The following CACHD1 variants were observed in gnomAD, a reference collection of about 807,000 sequenced individuals.
CACHD1 encodes the protein cache domain containing 1, also known as VWFA and cache domain-containing protein 1.
In CACHD1, 71 loss-of-function variants were observed where a neutral mutation model predicts 138.7. The observed-to-expected ratio is 0.51, with a 90% CI of 0.42 to 0.62. The LOEUF is 0.62. Among genes scored for constraint, CACHD1 ranks in the 20% least tolerant of loss-of-function variants. The probability of loss-of-function intolerance (pLI) is 0.00; values close to 1 mark genes in which losing one functional copy is unlikely to be tolerated. For missense variants in CACHD1, 1,389 were observed against 1,625.3 expected, an observed-to-expected ratio of 0.85 and a Z score of 2.50; for synonymous variants, 578 against 591.5, an observed-to-expected ratio of 0.98 and a Z score of 0.33.
chr1:64,560,944 A>T (rs964366430), intron 2 of CACHD1, among the ~76,000 whole-genome samples: 5 of 152,014 alleles, frequency 3.3e-5, no homozygotes, highest in African/African-American at 1.2e-4. Context: ...CAGTAATATT[A>T]TTCTCTCCTT....
intron 1 of CACHD1, among the ~76,000 whole-genome samples, chr1:64,487,714 G>T (rs17394814): frequency 1.3e-5 from 2 of 152,076 alleles, no homozygotes; most frequent in Non-Finnish European, 2.9e-5. Flanking sequence ...GGAAATGCAT[G>T]GTGGTGTTAC....
chr1:64,673,111 A>AG lies in CACHD1; in HGVS notation c.2511-47_2511-46insG, dbSNP rs746015444. ...TGCTCTCTGAATACGTTTGAAAAAAAAAAAAACAGCTGATATGAATGAGGG... is the reference window on the plus strand; with the variant it reads ...TGCTCTCTGAATACGTTTGAAAAAAAGAAAAAACAGCTGATATGAATGAGGG... On this transcript the variant is annotated intron_variant, in intron 17 of 26. Coordinates refer to ENST00000651257, the MANE Select transcript of CACHD1 (RefSeq NM_020925.4). The AG allele has an allele frequency of 1.2e-5, 18 of 1,516,804 alleles. 1 individual carries two copies. In the African/African-American group the frequency reaches 1.9e-4, roughly 16 times the overall value. 94.0% of individuals were successfully genotyped at this position (1,516,804 alleles called of 1,614,324 possible). A position where few individuals can be genotyped will look rare whatever the true frequency, so the allele number is the denominator to read the frequency against.
intron 3 of CACHD1, among the ~76,000 whole-genome samples, chr1:64,583,567 T>C (rs1476715011): frequency 6.6e-6 from 1 of 152,232 alleles, no homozygotes; most frequent in Non-Finnish European, 1.5e-5. Context: ...ATTGCATATT[T>C]GTATACCTTC....
intron 1 of CACHD1, among the ~76,000 whole-genome samples, chr1:64,477,620 TATTATTTTATTTTA>T (rs1557455041): frequency 1.5e-5 from 2 of 135,762 alleles, no homozygotes; most frequent in Non-Finnish European, 3.1e-5. Context: ...TTATTATTAT[TATTATTTTATTTTA>T]TTTTTTTTTT....
chr1:64,653,447 G>A (rs1346839228), intron 10 of CACHD1, among the ~76,000 whole-genome samples: 1 of 144,498 alleles, frequency 6.9e-6, no homozygotes, highest in Non-Finnish European at 1.5e-5. Flanking sequence ...TTATTAAATT[G>A]TTATCTTAGA....
intron 2 of CACHD1, among the ~76,000 whole-genome samples, chr1:64,565,858 TG>T (rs2100496047): frequency 6.6e-6 from 1 of 152,364 alleles, no homozygotes; most frequent in Non-Finnish European, 1.5e-5. Flanking sequence ...GAAATGAATG[TG>T]GCAGTGACCA....
chr1:64,685,614 A>C (rs1343265858), intron 26 of CACHD1, among the ~76,000 whole-genome samples: 3 of 151,956 alleles, frequency 2.0e-5, no homozygotes, highest in Non-Finnish European at 4.4e-5. Flanking sequence ...GTTTCCTAAC[A>C]CTTAAGGTAG....
chr1:64,633,194 A>G (rs893432497), intron 6 of CACHD1, among the ~76,000 whole-genome samples: 6 of 152,214 alleles, frequency 3.9e-5, no homozygotes, highest in African/African-American at 1.4e-4. Context: ...CTGCCTGCCT[A>G]TCGCTTTCTC....
intron 26 of CACHD1, among the ~76,000 whole-genome samples, chr1:64,684,184 A>T (rs985827995): frequency 6.6e-6 from 1 of 152,154 alleles, no homozygotes; most frequent in Non-Finnish European, 1.5e-5. Context: ...TTTGAGACGG[A>T]GTCTCGCTCT....
intron 2 of CACHD1, among the ~76,000 whole-genome samples, chr1:64,580,473 G>C (rs1449362325): frequency 6.6e-6 from 1 of 152,012 alleles, no homozygotes; most frequent in Non-Finnish European, 1.5e-5. Flanking sequence ...AAAATAAATT[G>C]GTCAGAATCA....
At chr1:64,683,221 A>G (rs1570482067) in intron 26 of CACHD1, among the ~76,000 whole-genome samples, 2 of 152,358 alleles carry the variant, frequency 1.3e-5, no homozygotes, top group Middle Eastern at 6.8e-3. Flanking sequence ...GAATGACATT[A>G]TTCCCACCAA....
At chr1:64,481,932 A>T (rs1646213760) in intron 1 of CACHD1, among the ~76,000 whole-genome samples, 1 of 152,130 alleles carries the variant, frequency 6.6e-6, no homozygotes, top group African/African-American at 2.4e-5. Context: ...TAAGGTAAGG[A>T]TTCTATATAG....
At chr1:64,633,443 G>A (rs1050494993) in intron 6 of CACHD1, among the ~76,000 whole-genome samples, 9 of 152,082 alleles carry the variant, frequency 5.9e-5, no homozygotes, top group African/African-American at 1.7e-4. Context: ...TGGAGGTTAC[G>A]CTGAGGAGGA....
intron 3 of CACHD1, among the ~76,000 whole-genome samples, chr1:64,596,708 A>AT (rs1021969901): frequency 3.3e-5 from 5 of 151,994 alleles, no homozygotes; most frequent in African/African-American, 7.2e-5. Context: ...AGAAGAAATG[A>AT]TTTTTTTTAA....
At chr1:64,543,479 G>A (rs2100434786) in intron 1 of CACHD1, among the ~76,000 whole-genome samples, 1 of 150,544 alleles carries the variant, frequency 6.6e-6, no homozygotes, top group East Asian at 1.9e-4. Context: ...GGGAGGCTGA[G>A]GCGAGAGGAT....
chr1:64,679,548 A>G (rs1452700478), intron 23 of CACHD1, 47 bp from the exon 24 acceptor site: 3 of 1,604,648 alleles, frequency 1.9e-6, no homozygotes, highest in South Asian at 1.1e-5. Flanking sequence ...TTTCTTCCCC[A>G]CTTGGGAAAT....
At chr1:64,645,272 G>A (rs934832256) in intron 8 of CACHD1, among the ~76,000 whole-genome samples, 4 of 151,818 alleles carry the variant, frequency 2.6e-5, no homozygotes, top group Non-Finnish European at 2.9e-5. Context: ...ATAATATAAC[G>A]GTGACTGTAG....
chr1:64,473,573 G>T (rs1004179064), intron 1 of CACHD1, among the ~76,000 whole-genome samples: 1 of 152,108 alleles, frequency 6.6e-6, no homozygotes, highest in Non-Finnish European at 1.5e-5. Context: ...TGGTCAGGGT[G>T]GGGGTGGAGA....
intron 4 of CACHD1, among the ~76,000 whole-genome samples, chr1:64,618,893 G>C (rs142173980): frequency 6.6e-6 from 1 of 152,220 alleles, no homozygotes; most frequent in Non-Finnish European, 1.5e-5. Flanking sequence ...TTTCTGAGTG[G>C]TGTTGGGCTG....
Sources: allele counts gnomAD v4.1 joint callset (sites outside exome capture counted in the v4.1 genomes callset), GRCh38; gene constraint gnomAD v4.1.1; transcripts MANE v1.5; gene names NCBI Gene and HGNC (gene_info 2026-07-23, HGNC 2026-07-21).